Variants in NPIPB11 observed in about 807,000 individuals in gnomAD.
NPIPB11 encodes the protein nuclear pore complex-interacting protein family member B11.
A neutral mutation model predicts 32.8 loss-of-function variants in NPIPB11; 17 were observed. The observed-to-expected ratio is 0.52, with a 90% CI of 0.35 to 0.78. The LOEUF (loss-of-function observed/expected upper bound fraction) is 0.78. NPIPB11 is among the 30% of genes least tolerant of loss of function. NPIPB11 has a pLI of 0.01. For missense variants in NPIPB11, 537 were observed against 1,000.4 expected, an observed-to-expected ratio of 0.54 and a Z score of 6.25; for synonymous variants, 209 against 398.4, an observed-to-expected ratio of 0.52 and a Z score of 5.66.
In NPIPB11 at chr16:29,390,615, G is replaced by C. The variant is rs922969353; in HGVS notation, c.250-267C>G. The stretch of plus-strand genomic sequence containing the variant: ...TGCAGTGAGCCGAGATCACACCACT[G>C]CACTCCAGCCTGAGCGACAGAATGA... On this transcript the variant is annotated intron_variant, in intron 3 of 7. Coordinates refer to ENST00000524087, the Ensembl canonical transcript of NPIPB11. Among the ~76,000 whole-genome samples the C allele has an allele frequency of 1.6e-4, 24 of 149,650 alleles. 1 individual carries two copies. The highest frequency in any genetic ancestry group is 1.5e-3 in the Admixed American group (23 of 14,908).
intron 2 of NPIPB11, among the ~76,000 whole-genome samples, chr16:29,402,529 C>T (rs555003954): frequency 4.0e-5 from 3 of 74,788 alleles, no homozygotes; most frequent in African/African-American, 2.8e-4. Context: ...TGGTGAAACC[C>T]CATCTCTACT....
chr16:29,405,439 C>T (rs939376780), upstream of NPIPB11, among the ~76,000 whole-genome samples: 4 of 152,086 alleles, frequency 2.6e-5, no homozygotes, highest in Admixed American at 6.6e-5. Flanking sequence ...CATTCTTATA[C>T]GATAATGATA....
intron 2 of NPIPB11, among the ~76,000 whole-genome samples, chr16:29,401,912 C>T (rs755043189): frequency 2.0e-5 from 3 of 150,620 alleles, no homozygotes; most frequent in South Asian, 2.1e-4. Context: ...ACATTTCCAC[C>T]GTTTGGGGCT....
intron 2 of NPIPB11, among the ~76,000 whole-genome samples, chr16:29,401,320 A>G (rs1378598226): frequency 6.6e-6 from 1 of 152,030 alleles, no homozygotes; most frequent in Non-Finnish European, 1.5e-5. Context: ...CATCCTCAAA[A>G]CTATCATCTG....
At chr16:29,382,245 T>A (rs1288319598) in exon 8 of NPIPB11, 1 of 1,595,628 alleles carries the variant, frequency 6.3e-7, no homozygotes, top group African/African-American at 1.4e-5. Flanking sequence ...TGTCTTGAGA[T>A]TATCATCCGC....
intron 2 of NPIPB11, among the ~76,000 whole-genome samples, chr16:29,401,137 G>A (rs1325813433): frequency 6.6e-6 from 1 of 152,156 alleles, no homozygotes; most frequent in Admixed American, 6.6e-5. Context: ...CACTGTCAGT[G>A]TGGGAGCAAT....
chr16:29,389,634 C>T (rs1963660286), intron 5 of NPIPB11, among the ~76,000 whole-genome samples: 1 of 115,528 alleles, frequency 8.7e-6, no homozygotes, highest in Non-Finnish European at 1.6e-5. Flanking sequence ...CATTGCACTA[C>T]AGCCTGGGCA....
intron 3 of NPIPB11, 124 bp downstream of exon 3, chr16:29,393,824 A>G: frequency 8.1e-7 from 1 of 1,233,404 alleles, no homozygotes; most frequent in Non-Finnish European, 1.1e-6. Flanking sequence ...CTAATAAATC[A>G]TTTCCCTGAT....
chr16:29,392,640 G>A lies in NPIPB11; in HGVS notation c.249+1308C>T, dbSNP rs980973356. Among the ~76,000 whole-genome samples, 13 of 151,434 alleles carry A rather than the reference G, an allele frequency of 8.6e-5. 1 individual carries two copies. Among genetic ancestry groups the A allele is most frequent in the African/African-American group, 3.2e-4 (13 of 41,264 alleles). On this transcript the variant is annotated intron_variant, in intron 3 of 7. Transcript: ENST00000524087. ...CAGGGGAATCGCTTGAAGCCAGGAGGTGGAGGTTGCAGTGAGCCGAGGTCA... is the reference window on the plus strand; with the variant it reads ...CAGGGGAATCGCTTGAAGCCAGGAGATGGAGGTTGCAGTGAGCCGAGGTCA...
rs372866633 is a variant in NPIPB11, at chr16:29,383,337, G to A, written c.1595C>T (p.Pro532Leu). 9.6e-3 allele frequency: 14,192 copies of A among 1,480,022 alleles called. 3 individuals carry two copies. The highest frequency in any genetic ancestry group is 0.012 in the Non-Finnish European group (12,853 of 1,115,764). 91.7% of individuals were successfully genotyped at this position (1,480,022 alleles called of 1,614,324 possible). ...TGTCTTGATATTATCATCTGCTGAG[G>A]GTGGAGCTGAGGGTGGAAGGGGAGT... The change falls in exon 8 of 8, where the codon CCC (proline) becomes CTC (leucine). Residue 532 changes from proline (P) to leucine (L), a missense_variant. Physicochemically the swap from Pro to Leu is moderately conservative, Grantham distance 98. Coordinates refer to ENST00000524087, the Ensembl canonical transcript of NPIPB11.
chr16:29,393,621 G>T (rs1055065496), intron 3 of NPIPB11, among the ~76,000 whole-genome samples: 2 of 150,030 alleles, frequency 1.3e-5, no homozygotes, highest in East Asian at 3.9e-4. Context: ...CCATACGATA[G>T]AACTATAAAG....
chr16:29,394,831 T>G (rs1567273482), intron 2 of NPIPB11, among the ~76,000 whole-genome samples: 1 of 150,418 alleles, frequency 6.6e-6, no homozygotes. Context: ...CTGCAACCTC[T>G]GCCTCTCAGG....
chr16:29,392,376 C>G (rs1963744257), intron 3 of NPIPB11, among the ~76,000 whole-genome samples: 2 of 151,378 alleles, frequency 1.3e-5, no homozygotes, highest in South Asian at 4.2e-4. Context: ...AACAGCTCAA[C>G]TGAACTTTCC....
At chr16:29,393,700 C>G (rs1963776789) in intron 3 of NPIPB11, among the ~76,000 whole-genome samples, 2 of 151,972 alleles carry the variant, frequency 1.3e-5, no homozygotes, top group Non-Finnish European at 2.9e-5. Flanking sequence ...ATAAATAGCA[C>G]AAAGGTTAAA....
At chr16:29,396,046 G>T (rs1339161336) in intron 2 of NPIPB11, among the ~76,000 whole-genome samples, 6 of 148,898 alleles carry the variant, frequency 4.0e-5, no homozygotes, top group African/African-American at 1.5e-4. Context: ...ATTTCTCTAA[G>T]ATTGTTGATA....
At chr16:29,400,099 C>T (rs3867583) in intron 2 of NPIPB11, among the ~76,000 whole-genome samples, 2 of 151,458 alleles carry the variant, frequency 1.3e-5, no homozygotes, top group South Asian at 2.1e-4. Flanking sequence ...AAGAAGCCCT[C>T]GGATTTCGGT....
rs1307879604 is a variant in NPIPB11, at chr16:29,384,116, A to T, written c.816T>A (p.Thr272=). The T allele has an allele frequency of 5.4e-6, 7 of 1,294,338 alleles. 1 individual carries two copies. Among genetic ancestry groups the T allele is most frequent in the Non-Finnish European group, 7.2e-6 (7 of 967,184 alleles). 80.2% of individuals were successfully genotyped at this position (1,294,338 alleles called of 1,614,324 possible). Residue 272 remains threonine (T), a synonymous_variant, in exon 8 of 8, where the codon ACT becomes ACA. Transcript: ENST00000524087. Reference sequence around the variant, plus strand: ...TATCATCCGCTGAGGGTGGAAGGGGAGTGAGCAGACACTCGAGAGGTGTCT... The same window carrying T: ...TATCATCCGCTGAGGGTGGAAGGGGTGTGAGCAGACACTCGAGAGGTGTCT...
intron 2 of NPIPB11, among the ~76,000 whole-genome samples, chr16:29,399,330 A>G (rs2142136561): frequency 6.7e-6 from 1 of 150,290 alleles, no homozygotes; most frequent in East Asian, 2.0e-4. Flanking sequence ...AACAGGAAAT[A>G]TTCTATTGAT....
intron 2 of NPIPB11, among the ~76,000 whole-genome samples, chr16:29,396,294 A>G (rs1963850338): frequency 6.6e-6 from 1 of 151,528 alleles, no homozygotes; most frequent in South Asian, 2.1e-4. Context: ...GAACCATACA[A>G]CAATGGTAAT....
Sources: allele counts gnomAD v4.1 joint callset (sites outside exome capture counted in the v4.1 genomes callset), GRCh38; gene constraint gnomAD v4.1.1; transcripts MANE v1.5; gene names NCBI Gene and HGNC (gene_info 2026-07-23, HGNC 2026-07-21).